Variants in NBEA observed in about 807,000 individuals in gnomAD.
NBEA encodes the protein neurobeachin.
Under a neutral mutation model 343.4 loss-of-function variants are expected in NBEA, and 44 were observed. The observed-to-expected ratio is 0.13, with a 90% CI of 0.10 to 0.16. The LOEUF (loss-of-function observed/expected upper bound fraction) is 0.16, where lower values mean the gene tolerates loss of function less well. Ranked by LOEUF, NBEA falls within the 10% of genes least tolerant of loss-of-function variation. NBEA has a pLI of 1.00. For synonymous variants in NBEA, 1,175 were observed against 1,238.7 expected (o/e 0.95, Z 1.08); for missense variants, 2,555 against 3,631.3 (o/e 0.70, Z 7.62).
At chr13:35,084,141 C>G (rs1244205221) in intron 10 of NBEA, among the ~76,000 whole-genome samples, 1 of 151,936 alleles carries the variant, frequency 6.6e-6, no homozygotes, top group Non-Finnish European at 1.5e-5. Flanking sequence ...ACTTTAACAC[C>G]CCACTGTCAA....
At chr13:35,579,094 A>G (rs1256121093) in intron 45 of NBEA, among the ~76,000 whole-genome samples, 1 of 152,210 alleles carries the variant, frequency 6.6e-6, no homozygotes. Flanking sequence ...CCTATGTAAC[A>G]GTAGAATCCT....
chr13:34,988,193 T>G (rs1050070153), intron 1 of NBEA, among the ~76,000 whole-genome samples: 9 of 151,014 alleles, frequency 6.0e-5, no homozygotes, highest in Non-Finnish European at 1.0e-4. Context: ...ACCCGCCTGT[T>G]TGAGGTGTCA....
chr13:35,593,996 G>A (rs2081647090), intron 47 of NBEA, among the ~76,000 whole-genome samples: 1 of 152,130 alleles, frequency 6.6e-6, no homozygotes, highest in Admixed American at 6.6e-5. Context: ...CCAGAGAGCA[G>A]AGTAATTTTA....
intron 30 of NBEA, among the ~76,000 whole-genome samples, chr13:35,195,326 T>C (rs2072504876): frequency 6.6e-6 from 1 of 152,102 alleles, no homozygotes; most frequent in East Asian, 1.9e-4. Flanking sequence ...TGCCAGATGA[T>C]TTAAGAAGCA....
chr13:34,959,171 G>T (rs986393014), intron 1 of NBEA, among the ~76,000 whole-genome samples: 1 of 151,994 alleles, frequency 6.6e-6, no homozygotes, highest in African/African-American at 2.4e-5. Context: ...AAGAGTTGAG[G>T]TTTAATGATT....
At chr13:35,203,717 A>G (rs1377069918) in intron 31 of NBEA, among the ~76,000 whole-genome samples, 1 of 152,206 alleles carries the variant, frequency 6.6e-6, no homozygotes, top group Non-Finnish European at 1.5e-5. Context: ...ACTTACATGT[A>G]TTACTTATTA....
rs563593034 is a variant in NBEA, at chr13:35,070,752, A to C, written c.1471A>C (p.Ser491Arg). Residue 491 changes from serine (S) to arginine (R), a missense_variant, in exon 10 of 59, where the codon AGT becomes CGT. This residue lies in a region of NBEA where 360 missense variants were observed against 519.1 expected (regional missense o/e 0.69). Coordinates refer to ENST00000379939, the MANE Select transcript of NBEA (RefSeq NM_001385012.1). The stretch of plus-strand genomic sequence containing the variant: ...AGCGATAGTAACACATTCAATTCAT[A>C]GTGCAATTCATTCAATTGGAGGGAT... ...VKAIVTHSIH[S>R]AIHSIGGIQV... is the part of the protein sequence containing the mutation. 2 of 1,600,398 alleles carry C rather than the reference A, an allele frequency of 1.2e-6. No individual in the cohort carries two copies. The highest frequency in any genetic ancestry group is 3.4e-5 in the Admixed American group (2 of 59,632).
chr13:35,639,157 A>C (rs1474116260), intron 49 of NBEA, among the ~76,000 whole-genome samples: 1 of 152,244 alleles, frequency 6.6e-6, no homozygotes, highest in African/African-American at 2.4e-5. Flanking sequence ...TTGAAGGTTA[A>C]AACAAAAGGA....
intron 1 of NBEA, among the ~76,000 whole-genome samples, chr13:35,019,453 A>G (rs1402748220): frequency 1.3e-5 from 2 of 151,692 alleles, no homozygotes; most frequent in Admixed American, 6.6e-5. Context: ...GGACACCACC[A>G]CACCTGGCTA....
At chr13:35,517,538 T>G (rs1248237534) in intron 41 of NBEA, among the ~76,000 whole-genome samples, 1 of 152,220 alleles carries the variant, frequency 6.6e-6, no homozygotes, top group Admixed American at 6.5e-5. Context: ...TTTGAATTAC[T>G]TAGAAATTCT....
At chr13:35,428,200 A>G (rs2044837187) in intron 38 of NBEA, among the ~76,000 whole-genome samples, 1 of 152,152 alleles carries the variant, frequency 6.6e-6, no homozygotes, top group Non-Finnish European at 1.5e-5. Context: ...TTTGAAATGC[A>G]GAAATCACCC....
rs567388214 is a variant in NBEA at position 35,552,785 on chromosome 13, G to A, written c.6806+1753G>A. Among the ~76,000 whole-genome samples the A allele has an allele frequency of 9.8e-4, 149 of 152,212 alleles. 1 individual carries two copies. Among genetic ancestry groups the A allele is most frequent in the African/African-American group, 3.4e-3 (142 of 41,532 alleles). ...AGTATTCTTTGACTTGTCTGGACCG[G>A]AATTCATTTAAAACAATCAGAAGCT... On this transcript the variant is annotated intron_variant, in intron 43 of 58. Transcript: ENST00000379939.
intron 33 of NBEA, among the ~76,000 whole-genome samples, chr13:35,219,681 C>T (rs748840726): frequency 8.6e-5 from 13 of 152,006 alleles, no homozygotes. Flanking sequence ...GTACCAAGGT[C>T]GGAGAACCAA....
chr13:35,630,100 C>T (rs1325465088), intron 49 of NBEA, among the ~76,000 whole-genome samples: 2 of 151,928 alleles, frequency 1.3e-5, no homozygotes, highest in Non-Finnish European at 2.9e-5. Flanking sequence ...ATACATTAAG[C>T]ATCTTATATG....
chr13:35,305,705 A>T (rs1406839821), intron 35 of NBEA, among the ~76,000 whole-genome samples: 1 of 152,182 alleles, frequency 6.6e-6, no homozygotes. Context: ...GTGGACACAG[A>T]ATTTGAGCAA....
intron 34 of NBEA, among the ~76,000 whole-genome samples, chr13:35,233,247 T>C (rs1365361289): frequency 6.6e-6 from 1 of 152,158 alleles, no homozygotes; most frequent in African/African-American, 2.4e-5. Context: ...ATCAAGATGA[T>C]CTGTAGGTGA....
In NBEA at chr13:35,045,338, T is replaced by A; in HGVS notation, c.660T>A (p.Leu220=). 6.2e-7 allele frequency: 1 copy of A among 1,612,290 alleles called. No individual in the cohort carries two copies. Among genetic ancestry groups the A allele is most frequent in the Middle Eastern group, 1.7e-4 (1 of 6,054 alleles). Residue 220 remains leucine, a synonymous_variant, in exon 4 of 59, where the codon CTT becomes CTA. Transcript: ENST00000379939. ...PRHAVKLLSV[L]NQMPQRHGPD... ...ATGCAGTAAAATTATTATCAGTTCT[T>A]AATCAGATGCCACAGAGACACGGTC...
chr13:35,392,434 G>A (rs1204246258), intron 38 of NBEA, among the ~76,000 whole-genome samples: 1 of 151,126 alleles, frequency 6.6e-6, no homozygotes, highest in Non-Finnish European at 1.5e-5. Flanking sequence ...AACATCTGGT[G>A]GTAAAACCTA....
At chr13:35,599,290 T>G (rs2081948274) in intron 47 of NBEA, among the ~76,000 whole-genome samples, 5 of 152,172 alleles carry the variant, frequency 3.3e-5, no homozygotes, top group Admixed American at 3.3e-4. Flanking sequence ...TTTTGGTCAT[T>G]TATGACTTTG....
Sources: gnomAD v4.1 joint callset for allele counts (sites outside exome capture counted in the v4.1 genomes callset) on GRCh38, gnomAD v4.1.1 for gene constraint, gnomAD v4.1.1 regional missense constraint, MANE v1.5 for transcripts, NCBI Gene and HGNC (gene_info 2026-07-23, HGNC 2026-07-21) for gene names.